The following TRAPPC13 variants were observed in gnomAD, a reference collection of about 807,000 sequenced individuals.
TRAPPC13 encodes REV7-interacting novel NHEJ regulator 1.
In TRAPPC13, 39 loss-of-function variants were observed where a neutral mutation model predicts 54.0. The observed-to-expected ratio is 0.72, with a 90% confidence interval of 0.56 to 0.94. TRAPPC13 has a LOEUF of 0.94. TRAPPC13 is among the 40% of genes least tolerant of loss of function. TRAPPC13 has a pLI of 0.00. For missense variants in TRAPPC13, 386 were observed against 488.1 expected (o/e 0.79, Z 1.97); for synonymous variants, 148 against 167.7 (o/e 0.88, Z 0.91).
At chr5:65,636,331 C>T (rs1265328698) in intron 3 of TRAPPC13, among the ~76,000 whole-genome samples, 3 of 151,522 alleles carry the variant, frequency 2.0e-5, no homozygotes, top group East Asian at 1.9e-4. Context: ...TATTGGAGAC[C>T]GTGTTTTGCT....
chr5:65,632,692 A>C (rs1294314344), intron 1 of TRAPPC13, among the ~76,000 whole-genome samples: 1 of 152,246 alleles, frequency 6.6e-6, no homozygotes, highest in Non-Finnish European at 1.5e-5. Flanking sequence ...ACTCATGAGA[A>C]TTAAATGTGT....
At chr5:65,642,304 C>T (rs953477634) in intron 4 of TRAPPC13, among the ~76,000 whole-genome samples, 10 of 151,464 alleles carry the variant, frequency 6.6e-5, no homozygotes, top group African/African-American at 2.4e-4. Flanking sequence ...GCCTGGGCAA[C>T]AGTGTGAGAC....
rs1233740218 is a variant in TRAPPC13, at chr5:65,631,189, C to A, written c.47-4112C>A. 2.6e-5 allele frequency among the ~76,000 whole-genome samples: 4 copies of A among 152,146 alleles called. No individual in the cohort carries two copies. The East Asian group carries it at 7.7e-4, about 29-fold the overall frequency. On this transcript the variant is annotated intron_variant, in intron 1 of 12. Transcript: ENST00000399438. ...CTTACATGTCATTACTACTATTAAA[C>A]ACACCAGCTCCCTAAGAAAAATAAG...
intron 12 of TRAPPC13, 35 bp from the exon 13 acceptor site, chr5:65,664,469 T>C: frequency 6.3e-7 from 1 of 1,582,360 alleles, no homozygotes; most frequent in Non-Finnish European, 8.6e-7. Flanking sequence ...TCTGAATGAA[T>C]GAAAACTTAG....
rs1037276519 is a variant in TRAPPC13, at chr5:65,652,279, A to G, written c.502-222A>G. On this transcript the variant is annotated intron_variant, in intron 6 of 12. Transcript: ENST00000399438. ...CAAAAACCCATGTAATGTAATTATC[A>G]CCCAGTCAAGAAATAATGGTAGCCT... Among the ~76,000 whole-genome samples the G allele has an allele frequency of 7.3e-5, 11 of 151,328 alleles. No individual in the cohort carries two copies. In the East Asian group the frequency reaches 2.1e-3, roughly 29 times the overall value.
rs777657717 is a variant in TRAPPC13, at chr5:65,635,373, T to C, written c.115+4T>C. On this transcript the variant is annotated splice_donor_region_variant and intron_variant, in intron 2 of 12. Transcript: ENST00000399438. Reference sequence around the variant, plus strand: ...TGTGAAGAGAAAGACTTACCTGGTATGGCACATGCTTTCCTCTATTTGCAC... The same window carrying C: ...TGTGAAGAGAAAGACTTACCTGGTACGGCACATGCTTTCCTCTATTTGCAC... The C allele has an allele frequency of 1.9e-6, 3 of 1,611,772 alleles. No homozygotes were observed. Among genetic ancestry groups the C allele is most frequent in the Admixed American group, 3.3e-5 (2 of 59,918 alleles).
rs189248311 is a variant in TRAPPC13, at chr5:65,652,470, A to G, written c.502-31A>G. 795 of 1,522,594 alleles carry G rather than the reference A, an allele frequency of 5.2e-4. 13 individuals carry two copies. In the East Asian group the frequency reaches 0.018, roughly 34 times the overall value. The allele number at this position is 1,522,594 out of a possible 1,614,324, so 94.3% of individuals were successfully genotyped here. On this transcript the variant is annotated intron_variant, in intron 6 of 12. Transcript: ENST00000399438. ...ATAAATAAATGGTCACATGATAACAATCTCCTGATTGATATGCTTTATTTA... is the reference window on the plus strand; with the variant it reads ...ATAAATAAATGGTCACATGATAACAGTCTCCTGATTGATATGCTTTATTTA...
At chr5:65,630,315 A>C (rs1561761522) in intron 1 of TRAPPC13, 1 of 1,523,050 alleles carries the variant, frequency 6.6e-7, no homozygotes, top group Non-Finnish European at 8.8e-7. Flanking sequence ...TTTGTGCATA[A>C]ATATGGTGTT....
chr5:65,649,170 C>G (rs528379813), intron 5 of TRAPPC13, among the ~76,000 whole-genome samples: 4 of 152,240 alleles, frequency 2.6e-5, no homozygotes, highest in African/African-American at 9.6e-5. Context: ...GATCCATGAT[C>G]ACGCCACTGC....
At chr5:65,641,791 G>A (rs934443629) in intron 4 of TRAPPC13, among the ~76,000 whole-genome samples, 9 of 149,966 alleles carry the variant, frequency 6.0e-5, no homozygotes, top group Non-Finnish European at 1.3e-4. Flanking sequence ...TTCTTTGAAC[G>A]ATTTGTAGAA....
intron 4 of TRAPPC13, among the ~76,000 whole-genome samples, chr5:65,641,165 C>T (rs1755950694): frequency 6.6e-6 from 1 of 152,076 alleles, no homozygotes; most frequent in Non-Finnish European, 1.5e-5. Flanking sequence ...AACTCCTGAA[C>T]TCAAGCAAGC....
At chr5:65,642,177 G>A (rs1309240416) in intron 4 of TRAPPC13, among the ~76,000 whole-genome samples, 2 of 152,066 alleles carry the variant, frequency 1.3e-5, no homozygotes, top group Non-Finnish European at 2.9e-5. Context: ...ACAAAAATTA[G>A]CTGGGCGTGC....
At chr5:65,629,977 A>G in intron 1 of TRAPPC13, 2 of 1,535,978 alleles carry the variant, frequency 1.3e-6, no homozygotes, top group Non-Finnish European at 1.7e-6. Context: ...ACAAGAGGAG[A>G]TCTTGGAGTA....
intron 7 of TRAPPC13, 104 bp downstream of exon 7, chr5:65,652,649 GA>G: frequency 1.2e-6 from 1 of 837,024 alleles, no homozygotes; most frequent in Non-Finnish European, 2.1e-6. Context: ...TCGCCAACGT[GA>G]CTGTAAATTA....
chr5:65,639,218 G>A (rs1371415247), intron 4 of TRAPPC13, among the ~76,000 whole-genome samples: 1 of 152,172 alleles, frequency 6.6e-6, no homozygotes, highest in East Asian at 1.9e-4. Context: ...TGGGAATTAC[G>A]GGAGCTACAA....
At chr5:65,650,766 A>G in intron 5 of TRAPPC13, 44 bp from the exon 6 acceptor site, 1 of 1,519,748 alleles carries the variant, frequency 6.6e-7, no homozygotes, top group Non-Finnish European at 9.1e-7. Context: ...TTACTATTAA[A>G]ATTAAAAATG....
Position 65,660,745 on chromosome 5 carries a change from C to T in TRAPPC13, c.745C>T (p.Arg249Cys), listed in dbSNP as rs763269645. The change falls in exon 10 of 13, where the codon CGC becomes TGC. Residue 249 changes from arginine to cysteine, a missense_variant. Transcript: ENST00000399438. ...SRAYLQPMDT[R>C]QYLYCLKPKN... The stretch of plus-strand genomic sequence containing the variant: ...AGCATATTTGCAACCAATGGATACA[C>T]GCCAGTACTTATACTGCCTAAAGCC... 3.8e-5 allele frequency: 61 copies of T among 1,613,252 alleles called. No individual in the cohort carries two copies. Among genetic ancestry groups the T allele is most frequent in the Middle Eastern group, 1.6e-4 (1 of 6,080 alleles).
intron 1 of TRAPPC13, among the ~76,000 whole-genome samples, chr5:65,631,298 A>T (rs1000647913): frequency 3.9e-5 from 6 of 152,224 alleles, no homozygotes; most frequent in African/African-American, 1.4e-4. Flanking sequence ...CATGGTAAAC[A>T]TTCCCTTCAG....
Position 65,644,805 on chromosome 5 carries a change from T to G in TRAPPC13, c.301-2250T>G, listed in dbSNP as rs911760312. Among the ~76,000 whole-genome samples the G allele has an allele frequency of 2.0e-5, 3 of 150,022 alleles. No individual in the cohort carries two copies. The Admixed American group carries it at 2.0e-4, about 10-fold the overall frequency. On this transcript the variant is annotated intron_variant, in intron 4 of 12. Coordinates refer to ENST00000399438, the MANE Select transcript of TRAPPC13 (RefSeq NM_024941.4). ...CTGAGGCAGGACAATCACTTGAATC[T>G]GGGAGGTAGAGGTTGCAGTGAGCCA... is the stretch of plus-strand genomic sequence containing the variant.
Sources: gnomAD v4.1 joint callset for allele counts (sites outside exome capture counted in the v4.1 genomes callset) on GRCh38, gnomAD v4.1.1 for gene constraint, MANE v1.5 for transcripts, NCBI Gene and HGNC (gene_info 2026-07-23, HGNC 2026-07-21) for gene names.